UNC79: variants seen among roughly 807,000 people sequenced by gnomAD.
UNC79 encodes unc-79 subunit of NALCN channel complex.
A neutral mutation model predicts 283.1 loss-of-function variants in UNC79; 37 were observed. That is an observed-to-expected ratio of 0.13 (90% CI 0.10 to 0.17). The LOEUF is 0.17. Among genes scored for constraint, UNC79 ranks in the 10% least tolerant of loss-of-function variants. The pLI is 1.00. For missense variants in UNC79, 2,272 were observed against 3,211.1 expected, an observed-to-expected ratio of 0.71 and a Z score of 7.07; for synonymous variants, 1,107 against 1,200.2, an observed-to-expected ratio of 0.92 and a Z score of 1.61.
intron 13 of UNC79, among the ~76,000 whole-genome samples, 179 bp downstream of exon 13, chr14:93,541,010 A>G (rs2061345385): frequency 6.6e-6 from 1 of 152,180 alleles, no homozygotes; most frequent in Non-Finnish European, 1.5e-5. Flanking sequence ...TTAGCTAGGA[A>G]AGCTTTTAAA....
At chr14:93,416,443 A>C (rs1030646447) in intron 1 of UNC79, among the ~76,000 whole-genome samples, 7 of 151,956 alleles carry the variant, frequency 4.6e-5, no homozygotes, top group Non-Finnish European at 8.8e-5. Flanking sequence ...ACTTCCAACT[A>C]TGTGGTCAAT....
chr14:93,694,552 C>A, intron 47 of UNC79, 140 bp downstream of exon 50: 1 of 766,850 alleles, frequency 1.3e-6, no homozygotes, highest in Non-Finnish European at 2.1e-6. Context: ...TATAACAACC[C>A]TTTACCAAAT....
In UNC79 at chr14:93,548,705, C is replaced by T. The variant is rs146176689; in HGVS notation, c.1755+6009C>T. Among the ~76,000 whole-genome samples, 258 of 152,316 alleles carry T rather than the reference C, an allele frequency of 1.7e-3. 1 individual carries two copies. Among genetic ancestry groups the T allele is most frequent in the African/African-American group, 5.5e-3 (229 of 41,568 alleles). The stretch of plus-strand genomic sequence containing the variant: ...TTTTGGTCCTTTCCTCTTCCTCATT[C>T]AGGAATAATGAGTAAACAGCTCCTT... On this transcript the variant is annotated intron_variant, in intron 14 of 48. Transcript: ENST00000555664.
At chr14:93,527,504 G>T (rs911814057) in intron 8 of UNC79, among the ~76,000 whole-genome samples, 6 of 152,150 alleles carry the variant, frequency 3.9e-5, no homozygotes, top group Non-Finnish European at 7.4e-5. Context: ...TTGTCATCGG[G>T]GAATATATAG....
chr14:93,705,940 C>T (rs963647416), intron 48 of UNC79, among the ~76,000 whole-genome samples: 1 of 152,168 alleles, frequency 6.6e-6, no homozygotes, highest in Non-Finnish European at 1.5e-5. Flanking sequence ...TGATTACGGC[C>T]TTGGTGCTAT....
intron 1 of UNC79, among the ~76,000 whole-genome samples, chr14:93,404,278 T>TA (rs1319917220): frequency 6.7e-6 from 1 of 149,354 alleles, no homozygotes; most frequent in African/African-American, 2.5e-5. Flanking sequence ...ACATTTCATT[T>TA]AAAAAATGTG....
chr14:93,432,722 A>T (rs1042284827), intron 1 of UNC79, among the ~76,000 whole-genome samples: 4 of 152,338 alleles, frequency 2.6e-5, no homozygotes, highest in East Asian at 3.9e-4. Flanking sequence ...GTCCATGTAG[A>T]ACCTCCCACT....
intron 26 of UNC79, among the ~76,000 whole-genome samples, chr14:93,603,682 C>A (rs1314719823): frequency 6.6e-6 from 1 of 152,162 alleles, no homozygotes; most frequent in African/African-American, 2.4e-5. Context: ...TGATGCTTGG[C>A]ATGCAACTTA....
intron 18 of UNC79, 124 bp downstream of exon 18, chr14:93,578,187 C>A: frequency 1.1e-6 from 1 of 877,030 alleles, no homozygotes; most frequent in Non-Finnish European, 1.7e-6. Flanking sequence ...CACCCAAGAC[C>A]TTTTGCAAAC....
intron 47 of UNC79, among the ~76,000 whole-genome samples, chr14:93,695,167 T>C (rs571795111): frequency 2.6e-5 from 4 of 152,292 alleles, no homozygotes; most frequent in Non-Finnish European, 5.9e-5. Context: ...CTTCCTCTCC[T>C]TGTATCTCTT....
At chr14:93,568,059 G>A (rs1392804427) in intron 14 of UNC79, among the ~76,000 whole-genome samples, 6 of 152,148 alleles carry the variant, frequency 3.9e-5, no homozygotes, top group Non-Finnish European at 5.9e-5. Flanking sequence ...GTGTGGCAGA[G>A]GGAAGACTTT....
intron 33 of UNC79, among the ~76,000 whole-genome samples, chr14:93,642,637 C>T (rs1596202369): frequency 1.3e-5 from 2 of 152,158 alleles, no homozygotes; most frequent in East Asian, 1.9e-4. Flanking sequence ...GGGATTACCC[C>T]GCTCCCCAAG....
intron 1 of UNC79, among the ~76,000 whole-genome samples, chr14:93,454,318 T>G (rs2056735214): frequency 6.6e-6 from 1 of 152,236 alleles, no homozygotes; most frequent in African/African-American, 2.4e-5. Flanking sequence ...GTGCTGGGAT[T>G]ACAGGCATGA....
At chr14:93,558,763 G>C (rs757496103) in intron 14 of UNC79, among the ~76,000 whole-genome samples, 14 of 151,916 alleles carry the variant, frequency 9.2e-5, no homozygotes, top group Non-Finnish European at 1.5e-4. Context: ...CATAAGAGCA[G>C]AGCAGCTTTT....
intron 38 of UNC79, among the ~76,000 whole-genome samples, chr14:93,657,646 C>T (rs557188624): frequency 6.6e-5 from 10 of 151,944 alleles, no homozygotes; most frequent in South Asian, 6.2e-4. Context: ...CCAAAGCGCC[C>T]GGCTGAGGTA....
intron 1 of UNC79, among the ~76,000 whole-genome samples, chr14:93,343,831 C>G (rs559381974): frequency 2.0e-5 from 3 of 152,262 alleles, no homozygotes; most frequent in African/African-American, 4.8e-5. Flanking sequence ...TAATTAAGTT[C>G]TTTTATATAA....
intron 8 of UNC79, among the ~76,000 whole-genome samples, chr14:93,527,425 G>A (rs1027562616): frequency 2.6e-5 from 4 of 152,170 alleles, no homozygotes; most frequent in African/African-American, 9.7e-5. Flanking sequence ...TTAACACACC[G>A]CAAAGCAGTT....
chr14:93,612,850 G>T (rs552892352), exon 27 of UNC79: 3 of 1,614,026 alleles, frequency 1.9e-6, no homozygotes, highest in South Asian at 1.1e-5. Context: ...CCCAGAAGAC[G>T]CTGGGATCGA....
rs747970219 is a variant in UNC79 at position 93,354,380 on chromosome 14, A to C, written c.-351+20857A>C. Among the ~76,000 whole-genome samples, 6 of 152,262 alleles carry C rather than the reference A, an allele frequency of 3.9e-5. No homozygotes were observed. The South Asian group carries it at 1.2e-3, about 31-fold the overall frequency. ...AGTGCTGACATGATGCTCAAAGGAAATGCTCATTGGAGCATTTCAGATTTT... is the reference window on the plus strand; with the variant it reads ...AGTGCTGACATGATGCTCAAAGGAACTGCTCATTGGAGCATTTCAGATTTT... On this transcript the variant is annotated intron_variant, in intron 1 of 49. Coordinates refer to the UNC79 transcript ENST00000256339.
Sources: gnomAD v4.1 joint callset for allele counts (sites outside exome capture counted in the v4.1 genomes callset) on GRCh38, gnomAD v4.1.1 for gene constraint, MANE v1.5 for transcripts, NCBI Gene and HGNC (gene_info 2026-07-23, HGNC 2026-07-21) for gene names.